C10orf67: variants seen among roughly 807,000 people sequenced by gnomAD.
C10orf67 encodes the protein chromosome 10 open reading frame 67, also known as uncharacterized protein C10orf67, mitochondrial.
In C10orf67, 60 loss-of-function variants were observed where a neutral mutation model predicts 35.6. The observed-to-expected ratio is 1.68, with a 90% CI of 1.37 to 2.09. The LOEUF is 2.09. Ranked by LOEUF, C10orf67 falls within the 30% of genes most tolerant of loss-of-function variation. C10orf67 has a pLI of 0.00. For synonymous variants in C10orf67, 167 were observed against 115.8 expected (o/e 1.44, Z -2.84); for missense variants, 474 against 330.2 (o/e 1.44, Z -3.38).
At chr10:23,209,646 AT>A (rs1841254286) in intron 15 of C10orf67, among the ~76,000 whole-genome samples, 1 of 152,112 alleles carries the variant, frequency 6.6e-6, no homozygotes, top group African/African-American at 2.4e-5. Context: ...TGTGGTGATC[AT>A]TTCTCTTAAG....
intron 8 of C10orf67, among the ~76,000 whole-genome samples, chr10:23,268,997 C>T (rs1017347530): frequency 6.6e-6 from 1 of 152,178 alleles, no homozygotes; most frequent in African/African-American, 2.4e-5. Flanking sequence ...TGTCATTATG[C>T]AACACATGGC....
chr10:23,311,340 A>T (rs572786311), intron 4 of C10orf67, among the ~76,000 whole-genome samples: 2 of 152,190 alleles, frequency 1.3e-5, no homozygotes, highest in Non-Finnish European at 2.9e-5. Context: ...GGAGCAACAG[A>T]CATCCAGGCC....
chr10:23,319,270 TC>T (rs557525621), intron 4 of C10orf67, among the ~76,000 whole-genome samples: 433 of 152,324 alleles, frequency 2.8e-3, no homozygotes, highest in African/African-American at 9.8e-3. Context: ...GGTTTTCTGT[TC>T]CAATATTAAT....
intron 1 of C10orf67, among the ~76,000 whole-genome samples, chr10:23,337,644 A>G (rs1845738309): frequency 6.6e-6 from 1 of 152,260 alleles, no homozygotes; most frequent in African/African-American, 2.4e-5. Flanking sequence ...TATTCCAAAG[A>G]AAAGAATGGT....
chr10:23,258,823 T>C (rs376931682), intron 10 of C10orf67, among the ~76,000 whole-genome samples: 5 of 152,302 alleles, frequency 3.3e-5, no homozygotes, highest in African/African-American at 1.2e-4. Flanking sequence ...ATGTTCATTG[T>C]CTGGAAAAAT....
Position 23,289,888 on chromosome 10 carries a change from A to G in C10orf67, c.909+12T>C. 1 of 715,640 alleles carries G rather than the reference A, an allele frequency of 1.4e-6. No homozygotes were observed. Among genetic ancestry groups the G allele is most frequent in the Admixed American group, 2.0e-5 (1 of 49,716 alleles). 44.3% of individuals were successfully genotyped at this position (715,640 alleles called of 1,614,324 possible). A position where few individuals can be genotyped will look rare whatever the true frequency, so the allele number is the denominator to read the frequency against. On this transcript the variant is annotated intron_variant, in intron 7 of 15. Transcript: ENST00000636213. ...TAAAAGAGTCATTTATCAACGTAAA[A>G]CGTTATAGTACCTTTTGAATAGTTT... is the stretch of plus-strand genomic sequence containing the variant.
chr10:23,240,596 T>A (rs1014946826), intron 12 of C10orf67, among the ~76,000 whole-genome samples: 1 of 152,190 alleles, frequency 6.6e-6, no homozygotes, highest in Non-Finnish European at 1.5e-5. Flanking sequence ...TTGCAAGCGA[T>A]GCGAAAATTA....
chr10:23,274,143 G>T (rs1372868076), intron 8 of C10orf67, among the ~76,000 whole-genome samples: 1 of 152,114 alleles, frequency 6.6e-6, no homozygotes, highest in Admixed American at 6.6e-5. Flanking sequence ...GAGATCACAC[G>T]CTTCAAAGGG....
intron 8 of C10orf67, among the ~76,000 whole-genome samples, chr10:23,268,533 C>T (rs1842941906): frequency 6.6e-6 from 1 of 152,130 alleles, no homozygotes; most frequent in Admixed American, 6.5e-5. Flanking sequence ...TTTTCTCTCA[C>T]CTACCAATAA....
intron 2 of C10orf67, among the ~76,000 whole-genome samples, chr10:23,325,328 ACT>A (rs1396914455): frequency 2.0e-5 from 3 of 151,806 alleles, no homozygotes; most frequent in Admixed American, 2.0e-4. Context: ...ACAGAGGGAG[ACT>A]CTGTCTCATA....
intron 8 of C10orf67, among the ~76,000 whole-genome samples, chr10:23,275,938 T>A (rs116641786): frequency 0.015 from 2,281 of 152,268 alleles, 55 homozygotes; most frequent in African/African-American, 0.052. Context: ...TTTCCTACAG[T>A]TTCCATTCTG....
At chr10:23,301,885 C>T (rs1844088460) in intron 5 of C10orf67, among the ~76,000 whole-genome samples, 1 of 152,228 alleles carries the variant, frequency 6.6e-6, no homozygotes, top group African/African-American at 2.4e-5. Flanking sequence ...GGGCACTTAG[C>T]CATGCAGGAA....
At chr10:23,269,002 C>T (rs1842952405) in intron 8 of C10orf67, among the ~76,000 whole-genome samples, 1 of 152,216 alleles carries the variant, frequency 6.6e-6, no homozygotes, top group Non-Finnish European at 1.5e-5. Flanking sequence ...TTATGCAACA[C>T]ATGGCTGTAT....
At chr10:23,278,312 C>T (rs1166093133) in intron 8 of C10orf67, among the ~76,000 whole-genome samples, 1 of 152,182 alleles carries the variant, frequency 6.6e-6, no homozygotes, top group Non-Finnish European at 1.5e-5. Flanking sequence ...GGAAACCCCA[C>T]TGTAGTTACT....
intron 4 of C10orf67, among the ~76,000 whole-genome samples, chr10:23,316,019 C>T (rs1158303671): frequency 6.6e-6 from 1 of 152,188 alleles, no homozygotes; most frequent in East Asian, 1.9e-4. Context: ...AGCCAGAAAC[C>T]TCTGTGGTCA....
At chr10:23,340,758 A>T (rs577880124) in intron 1 of C10orf67, among the ~76,000 whole-genome samples, 1 of 152,374 alleles carries the variant, frequency 6.6e-6, no homozygotes, top group South Asian at 2.1e-4. Context: ...GTTCCTACAC[A>T]GTCTTTATTT....
chr10:23,276,887 C>T (rs969151983), intron 8 of C10orf67, among the ~76,000 whole-genome samples: 7 of 151,834 alleles, frequency 4.6e-5, no homozygotes, highest in South Asian at 4.2e-4. Flanking sequence ...ATGCTAATAG[C>T]GATGTGCCAG....
At chr10:23,329,346 T>C (rs1418887213) in intron 2 of C10orf67, among the ~76,000 whole-genome samples, 1 of 152,026 alleles carries the variant, frequency 6.6e-6, no homozygotes. Flanking sequence ...AATACTTTAA[T>C]AGAAAAACAT....
intron 13 of C10orf67, among the ~76,000 whole-genome samples, chr10:23,230,615 G>A (rs190659559): frequency 1.3e-4 from 20 of 152,192 alleles, no homozygotes; most frequent in African/African-American, 4.8e-4. Flanking sequence ...AAAAATAAAT[G>A]TGAAATAAAC....
Sources: allele counts gnomAD v4.1 joint callset (sites outside exome capture counted in the v4.1 genomes callset), GRCh38; gene constraint gnomAD v4.1.1; transcripts MANE v1.5; gene names NCBI Gene and HGNC (gene_info 2026-07-23, HGNC 2026-07-21).